SLCO2A1: variants seen among roughly 807,000 people sequenced by gnomAD.
SLCO2A1 encodes the protein solute carrier organic anion transporter family member 2A1.
SLCO2A1 carries 60 observed loss-of-function variants against 71.7 expected under a neutral mutation model. The observed-to-expected ratio is 0.84, with a 90% CI of 0.68 to 1.04. The LOEUF is 1.04. Among genes scored for constraint, SLCO2A1 ranks in the 50% least tolerant of loss-of-function variants. The probability of loss-of-function intolerance (pLI) is 0.00; values close to 1 mark genes in which losing one functional copy is unlikely to be tolerated. For missense variants in SLCO2A1, 745 were observed against 813.4 expected (o/e 0.92, Z 1.02); for synonymous variants, 308 against 326.7 (o/e 0.94, Z 0.62).
At chr3:133,979,750 G>T in intron 1 of SLCO2A1, 132 bp from the exon 2 acceptor site, 1 of 957,014 alleles carries the variant, frequency 1.0e-6, no homozygotes, top group Non-Finnish European at 1.5e-6. Context: ...TACTTCCCAG[G>T]GTCTCCAGGA....
At chr3:134,025,277 A>G (rs1380205914) in intron 1 of SLCO2A1, among the ~76,000 whole-genome samples, 2 of 152,170 alleles carry the variant, frequency 1.3e-5, no homozygotes, top group East Asian at 3.8e-4. Flanking sequence ...AGCGTACTGG[A>G]ACTCTAAAAA....
At chr3:134,010,556 A>G (rs1447004803) in intron 1 of SLCO2A1, among the ~76,000 whole-genome samples, 1 of 152,132 alleles carries the variant, frequency 6.6e-6, no homozygotes. Context: ...CTTCAAGACC[A>G]GCCTGACCAA....
intron 1 of SLCO2A1, among the ~76,000 whole-genome samples, chr3:133,984,718 T>C (rs1244765269): frequency 6.6e-6 from 1 of 152,218 alleles, no homozygotes; most frequent in Non-Finnish European, 1.5e-5. Flanking sequence ...CATGGAGATG[T>C]ATTGGTGGGA....
At chr3:134,005,481 A>ATTTTTTTTTTTTTTTTTTTTTTTATT in intron 1 of SLCO2A1, among the ~76,000 whole-genome samples, 1 of 133,920 alleles carries the variant, frequency 7.5e-6, no homozygotes, top group Non-Finnish European at 1.6e-5. Flanking sequence ...ATGTGTTATA[A>ATTTTTTTTTTTTTTTTTTTTTTTATT]TTTTTTTTTT....
At chr3:133,997,986 C>T (rs771873334) in intron 1 of SLCO2A1, among the ~76,000 whole-genome samples, 3 of 152,206 alleles carry the variant, frequency 2.0e-5, no homozygotes, top group East Asian at 1.9e-4. Flanking sequence ...GCCTTGCTCA[C>T]GGTGCCGGGG....
At chr3:133,952,561 G>A (rs1933771289) in intron 5 of SLCO2A1, among the ~76,000 whole-genome samples, 1 of 152,180 alleles carries the variant, frequency 6.6e-6, no homozygotes, top group African/African-American at 2.4e-5. Flanking sequence ...GGGAGACTGG[G>A]TAGTGTGGGA....
intron 1 of SLCO2A1, among the ~76,000 whole-genome samples, chr3:133,987,203 T>A (rs961506772): frequency 1.7e-5 from 2 of 120,916 alleles, no homozygotes; most frequent in Non-Finnish European, 1.6e-5. Flanking sequence ...TCAGCCAGAG[T>A]ACTCTTAAAA....
chr3:133,961,970 G>C (rs13066394), intron 3 of SLCO2A1, among the ~76,000 whole-genome samples: 16,783 of 152,316 alleles, frequency 0.11, 965 homozygotes, highest in Middle Eastern at 0.2. Flanking sequence ...GTCAGAGACA[G>C]ATGTAGTGTG....
intron 1 of SLCO2A1, among the ~76,000 whole-genome samples, chr3:133,985,944 C>T (rs893654583): frequency 6.6e-6 from 1 of 152,204 alleles, no homozygotes; most frequent in African/African-American, 2.4e-5. Flanking sequence ...CACAAAACAG[C>T]ATTTGTCAGT....
At chr3:133,969,951 A>G (rs1934286371) in intron 3 of SLCO2A1, among the ~76,000 whole-genome samples, 1 of 152,170 alleles carries the variant, frequency 6.6e-6, no homozygotes, top group Non-Finnish European at 1.5e-5. Flanking sequence ...AAGGACTCAC[A>G]TGTGAGGATG....
intron 1 of SLCO2A1, among the ~76,000 whole-genome samples, chr3:134,005,187 T>C (rs550714814): frequency 6.6e-6 from 1 of 152,362 alleles, no homozygotes; most frequent in African/African-American, 2.4e-5. Flanking sequence ...ATTCTGTATA[T>C]TCGTCCCTCG....
chr3:133,990,116 G>A (rs1288592545), intron 1 of SLCO2A1, among the ~76,000 whole-genome samples: 3 of 152,186 alleles, frequency 2.0e-5, no homozygotes, highest in South Asian at 2.1e-4. Context: ...TTGCCTCTCC[G>A]GGCTGTGCCA....
chr3:133,985,148 T>G (rs1036496973), intron 1 of SLCO2A1, among the ~76,000 whole-genome samples: 1 of 152,238 alleles, frequency 6.6e-6, no homozygotes, highest in Non-Finnish European at 1.5e-5. Flanking sequence ...TCCCACAATG[T>G]GTTACCAGAA....
chr3:133,958,436 G>A lies in SLCO2A1; in HGVS notation c.398-3243C>T, dbSNP rs1452008388. Among the ~76,000 whole-genome samples the A allele has an allele frequency of 2.0e-5, 3 of 152,198 alleles. No homozygotes were observed. In the East Asian group the frequency reaches 5.8e-4, roughly 29 times the overall value. On this transcript the variant is annotated intron_variant, in intron 3 of 13. Coordinates refer to ENST00000310926, the MANE Select transcript of SLCO2A1 (RefSeq NM_005630.3). ...GCCAGACAGGACACCCGGGGCTGTT[G>A]CCCCAGGTGGGTAAGAGTTTATATG...
At chr3:134,000,026 A>G (rs964024079) in intron 1 of SLCO2A1, among the ~76,000 whole-genome samples, 2 of 152,236 alleles carry the variant, frequency 1.3e-5, no homozygotes, top group African/African-American at 4.8e-5. Context: ...AAAACCCTCC[A>G]GTCAGGCGGT....
chr3:133,973,838 C>A lies in SLCO2A1; in HGVS notation c.235-13G>T. The A allele has an allele frequency of 1.2e-6, 2 of 1,609,326 alleles. No homozygotes were observed. The highest frequency in any genetic ancestry group is 1.7e-6 in the Non-Finnish European group (2 of 1,177,820). ...TGGCATTGCTGATCTGAGAAGAGAG[C>A]AGAAGGGCTGAGTGAGACAAGAGGC... On this transcript the variant is annotated splice_polypyrimidine_tract_variant and intron_variant, in intron 2 of 13. Transcript: ENST00000310926.
intron 1 of SLCO2A1, among the ~76,000 whole-genome samples, chr3:133,993,429 G>C (rs924966264): frequency 6.6e-6 from 1 of 152,228 alleles, no homozygotes; most frequent in Admixed American, 6.5e-5. Context: ...ACAAGTGAAA[G>C]ATTGCCCCAT....
chr3:133,986,265 GTTTTTT>G (rs1354677530), intron 1 of SLCO2A1, among the ~76,000 whole-genome samples: 7 of 152,036 alleles, frequency 4.6e-5, no homozygotes, highest in African/African-American at 1.7e-4. Context: ...TTTGTTTTTT[GTTTTTT>G]GTTTTTTCAA....
At chr3:134,024,355 T>C (rs757713059) in intron 1 of SLCO2A1, among the ~76,000 whole-genome samples, 49 of 152,278 alleles carry the variant, frequency 3.2e-4, no homozygotes, top group Non-Finnish European at 7.3e-5. Flanking sequence ...TGAAATCAAA[T>C]AGCTGCAGGA....
Sources: gnomAD v4.1 joint callset for allele counts (sites outside exome capture counted in the v4.1 genomes callset) on GRCh38, gnomAD v4.1.1 for gene constraint, MANE v1.5 for transcripts, NCBI Gene and HGNC (gene_info 2026-07-23, HGNC 2026-07-21) for gene names.